The following CCDC187 variants were observed in gnomAD, a reference collection of about 807,000 sequenced individuals.
CCDC187 encodes the protein coiled-coil domain-containing protein 187.
CCDC187 carries 32 observed loss-of-function variants against 38.0 expected under a neutral mutation model. The ratio of observed to expected loss-of-function variants is 0.84; its 90% CI spans 0.64 to 1.13. The LOEUF (loss-of-function observed/expected upper bound fraction) is 1.13, where lower values mean the gene tolerates loss of function less well. Ranked by LOEUF, CCDC187 falls within the 50% of genes most tolerant of loss-of-function variation. CCDC187 has a pLI of 0.00. For missense variants in CCDC187, 707 were observed against 786.8 expected (o/e 0.90, Z 1.21); for synonymous variants, 333 against 347.9 (o/e 0.96, Z 0.48).
At chr9:136,269,050 C>G (rs1830796286) in intron 14 of CCDC187, among the ~76,000 whole-genome samples, 1 of 152,102 alleles carries the variant, frequency 6.6e-6, no homozygotes, top group African/African-American at 2.4e-5. Context: ...ATCAAGTGTC[C>G]CTCTGGAGTA....
Position 136,254,920 on chromosome 9 carries a change from C to G in CCDC187, c.4908G>C (p.Ala1636=). ...CPSLWEFQKA[A]ATLIQLSGSS... Reference sequence around the variant, plus strand: ...TCCCAGAAAGCTGGATCAGGGTAGCCGCTGCTTTCTGGAACTCCCAGAGAG... The same window carrying G: ...TCCCAGAAAGCTGGATCAGGGTAGCGGCTGCTTTCTGGAACTCCCAGAGAG... Residue 1636 remains alanine (A), a synonymous_variant, in exon 26 of 26, where the codon GCG becomes GCC. Coordinates refer to ENST00000638797, the MANE Select transcript of CCDC187 (RefSeq NM_001378188.1). The G allele has an allele frequency of 1.0e-6, 1 of 985,476 alleles. No homozygotes were observed. 61.0% of individuals were successfully genotyped at this position (985,476 alleles called of 1,614,324 possible).
chr9:136,258,309 A>G lies in CCDC187; in HGVS notation c.4366+623T>C, dbSNP rs1178108774. Reference sequence around the variant, plus strand: ...CTGGCCCCAACGGCAGGGACCCCCCAGTCTATGCCACCCCCCTTGGGTGGC... The same window carrying G: ...CTGGCCCCAACGGCAGGGACCCCCCGGTCTATGCCACCCCCCTTGGGTGGC... On this transcript the variant is annotated intron_variant, in intron 22 of 25. Coordinates refer to ENST00000638797, the MANE Select transcript of CCDC187 (RefSeq NM_001378188.1). This position sits in a 1 kb window ranked among gnomAD's most constrained non-coding sequence, Gnocchi z 4.3. Among the ~76,000 whole-genome samples the G allele has an allele frequency of 6.6e-6, 1 of 152,014 alleles. No homozygotes were observed. The highest frequency in any genetic ancestry group is 1.5e-5 in the Non-Finnish European group (1 of 67,978).
At position 136,258,133 on chromosome 9, in the gene CCDC187, G is replaced by C. The variant is rs1830636903; in HGVS notation, c.4366+799C>G. ...ACAGCGCAGGCCCGGAGGTGACGCGGGACACAGAGGGAAAGCGCTCTGTAT... is the reference window on the plus strand; with the variant it reads ...ACAGCGCAGGCCCGGAGGTGACGCGCGACACAGAGGGAAAGCGCTCTGTAT... On this transcript the variant is annotated intron_variant, in intron 22 of 25. Transcript: ENST00000638797. This position sits in a 1 kb window ranked among gnomAD's most constrained non-coding sequence, Gnocchi z 4.3. Among the ~76,000 whole-genome samples the C allele has an allele frequency of 6.6e-6, 1 of 152,140 alleles. No individual in the cohort carries two copies. The highest frequency in any genetic ancestry group is 6.5e-5 in the Admixed American group (1 of 15,286).
intron 7 of CCDC187, among the ~76,000 whole-genome samples, chr9:136,288,028 G>T (rs1251414588): frequency 5.3e-5 from 8 of 152,184 alleles, no homozygotes; most frequent in Admixed American, 4.6e-4. Flanking sequence ...AAAAGGACAA[G>T]GACATGATGA....
intron 18 of CCDC187, 76 bp from the exon 19 acceptor site, chr9:136,262,538 C>T (rs1432375044): frequency 2.0e-5 from 20 of 984,394 alleles, no homozygotes; most frequent in Middle Eastern, 5.1e-4. Flanking sequence ...GGTGGCTTCA[C>T]GTGGCTGTGG....
chr9:136,285,824 G>T (rs930577853), intron 8 of CCDC187: 17 of 396,980 alleles, frequency 4.3e-5, no homozygotes, highest in Non-Finnish European at 7.1e-5. Context: ...CAGAGAACAA[G>T]ACAGGAGCAA....
At chr9:136,289,001 C>T (rs998998322) in intron 7 of CCDC187, among the ~76,000 whole-genome samples, 9 of 152,140 alleles carry the variant, frequency 5.9e-5, no homozygotes, top group Admixed American at 2.0e-4. Flanking sequence ...TTCACGGCAG[C>T]GGCAGGTGGA....
rs546644764 is a variant in CCDC187, at chr9:136,253,933, C to CCCACCAGGCCCAGGCGCCCGGCTCTCAG, written c.5867_5894dup (p.Asn1966Ter). 0.063 allele frequency: 62,214 copies of CCCACCAGGCCCAGGCGCCCGGCTCTCAG among 985,180 alleles called. 2,106 individuals are homozygous for CCCACCAGGCCCAGGCGCCCGGCTCTCAG. Among genetic ancestry groups the CCCACCAGGCCCAGGCGCCCGGCTCTCAG allele is most frequent in the Non-Finnish European group, 0.069 (57,008 of 829,812 alleles). The allele number at this position is 985,180 out of a possible 1,614,324, so 61.0% of individuals were successfully genotyped here. A position where few individuals can be genotyped will look rare whatever the true frequency, so the allele number is the denominator to read the frequency against. ...CCTCCAGGACAGTGGGGGCCCCATT[C>CCCACCAGGCCCAGGCGCCCGGCTCTCAG]CCACCAGGCCCAGGCGCCCGGCTCT... On this transcript the variant is annotated stop_gained and frameshift_variant, in exon 26 of 26. Transcript: ENST00000638797. LOFTEE classifies it low-confidence loss of function (END_TRUNC).
At chr9:136,288,611 G>T (rs1309794778) in intron 7 of CCDC187, among the ~76,000 whole-genome samples, 3 of 152,204 alleles carry the variant, frequency 2.0e-5, no homozygotes, top group Non-Finnish European at 4.4e-5. Flanking sequence ...GCCTTCCACA[G>T]CCCTTCCTGG....
rs183513877 is a variant in CCDC187, at chr9:136,267,469, G to A, written c.3562C>T (p.His1188Tyr). 53 of 985,738 alleles carry A rather than the reference G, an allele frequency of 5.4e-5. No homozygotes were observed. Among genetic ancestry groups the A allele is most frequent in the Middle Eastern group, 5.2e-4 (1 of 1,914 alleles). The allele number at this position is 985,738 out of a possible 1,614,324, so 61.1% of individuals were successfully genotyped here. The change falls in exon 16 of 26, where the codon CAC becomes TAC. Residue 1188 changes from histidine to tyrosine, a missense_variant. His to Tyr is a moderately conservative substitution (Grantham distance 83, BLOSUM62 2). Transcript: ENST00000638797. Reference sequence around the variant, plus strand: ...CGCAGGCGCAGCAGCGCGGCCTGGTGCTGTGCTCGCAGCTCCTCCTCCCGC... The same window carrying A: ...CGCAGGCGCAGCAGCGCGGCCTGGTACTGTGCTCGCAGCTCCTCCTCCCGC... ...SLREEELRAQ[H>Y]QAALLRLREM... is the part of the protein sequence containing the mutation.
intron 18 of CCDC187, among the ~76,000 whole-genome samples, chr9:136,263,229 C>T (rs1554761208): frequency 6.9e-6 from 1 of 145,856 alleles, no homozygotes; most frequent in Admixed American, 7.1e-5. Flanking sequence ...TGCCTGGGGC[C>T]ACAGGCTTTT....
intron 4 of CCDC187, among the ~76,000 whole-genome samples, chr9:136,294,073 C>G (rs1269890261): frequency 6.6e-6 from 1 of 150,582 alleles, no homozygotes; most frequent in South Asian, 2.1e-4. Context: ...CTCACACACT[C>G]ACACGCTCAT....
In CCDC187 at chr9:136,252,341, C is replaced by T. The variant is rs1429250166; in HGVS notation, c.*1253G>A. ...CCAGTCCACCCTGGGAAGGTCCAGG[C>T]GACCATCCCGCACAGCCGGCCGCCC... On this transcript the variant is annotated 3_prime_UTR_variant, in exon 26 of 26. Transcript: ENST00000638797. The T allele has an allele frequency of 4.2e-5, 6 of 144,248 alleles. No homozygotes were observed. The highest frequency in any genetic ancestry group is 8.4e-5 in the South Asian group (1 of 11,842). 8.9% of individuals were successfully genotyped at this position (144,248 alleles called of 1,614,324 possible).
chr9:136,300,654 A>G (rs1221329120), intron 2 of CCDC187, among the ~76,000 whole-genome samples: 137,413 of 151,370 alleles, frequency 0.91, 62,408 homozygotes, highest in East Asian at 0.95. Context: ...CTGGAGTGCC[A>G]TGGTGTGATC....
chr9:136,290,488 C>T lies in CCDC187; in HGVS notation c.2125G>A (p.Gly709Arg), dbSNP rs1487159288. 13 of 398,764 alleles carry T rather than the reference C, an allele frequency of 3.3e-5. No individual in the cohort carries two copies. Among genetic ancestry groups the T allele is most frequent in the African/African-American group, 1.2e-4 (6 of 48,760 alleles). The allele number at this position is 398,764 out of a possible 1,614,324, so 24.7% of individuals were successfully genotyped here. A position where few individuals can be genotyped will look rare whatever the true frequency, so the allele number is the denominator to read the frequency against. ...VTFVPSSAQSGGLEASGSLES... is the reference protein window; with the variant it reads ...VTFVPSSAQSRGLEASGSLES... ...CCCAACCCAACCCCAGCATGTACCC[C>T]GGACTGTGCAGAACTGGGGACAAAG... The change falls in exon 6 of 26, where the codon GGG becomes AGG. Residue 709 changes from glycine (G) to arginine (R), a missense_variant and splice_region_variant. By Grantham distance (125) the Gly-to-Arg change is moderately radical (BLOSUM62 -2). Coordinates refer to ENST00000638797, the MANE Select transcript of CCDC187 (RefSeq NM_001378188.1).
At chr9:136,293,861 C>CAG (rs1831451689) in intron 4 of CCDC187, among the ~76,000 whole-genome samples, 66 of 145,818 alleles carry the variant, frequency 4.5e-4, no homozygotes, top group South Asian at 3.9e-3. Context: ...CACATTCAGT[C>CAG]TCATATGCTC....
At position 136,251,125 on chromosome 9, in the gene CCDC187, A is replaced by G; in HGVS notation, c.*2469T>C. ...GGAGAAGCCACATCCTGGAAGGATC[A>G]GTGCTGGGACACAGATGTCCCTAAG... On this transcript the variant is annotated 3_prime_UTR_variant, in exon 26 of 26. Coordinates refer to ENST00000638797, the MANE Select transcript of CCDC187 (RefSeq NM_001378188.1). 2.3e-6 allele frequency: 1 copy of G among 439,850 alleles called. No individual in the cohort carries two copies. Among genetic ancestry groups the G allele is most frequent in the South Asian group, 1.6e-5 (1 of 64,010 alleles). 27.2% of individuals were successfully genotyped at this position (439,850 alleles called of 1,614,324 possible).
chr9:136,293,335 ACTCACACTCACATGCT>A (rs1831403501), intron 4 of CCDC187, among the ~76,000 whole-genome samples: 7 of 146,896 alleles, frequency 4.8e-5, no homozygotes, highest in Non-Finnish European at 7.5e-5. Context: ...ATGCTTACAC[ACTCACACTCACATGCT>A]CACACACATT....
chr9:136,262,330 C>A lies in CCDC187; in HGVS notation c.4045G>T (p.Ala1349Ser). ...ACTCACCGCGTGGCCTTTGAGCTTG[C>A]GGGGCTGCTCTGGGGGCGATGGCTG... ...STSHRPQSSP[A>S]SSKATRPPTE... Residue 1349 changes from alanine to serine, a missense_variant, in exon 19 of 26, where the codon GCA becomes TCA. Ala to Ser is a moderately conservative substitution (Grantham distance 99). Transcript: ENST00000638797. 1 of 986,644 alleles carries A rather than the reference C, an allele frequency of 1.0e-6. No individual in the cohort carries two copies. The highest frequency in any genetic ancestry group is 1.2e-6 in the Non-Finnish European group (1 of 830,896). 61.1% of individuals were successfully genotyped at this position (986,644 alleles called of 1,614,324 possible).
Sources: gnomAD v4.1 joint callset for allele counts (sites outside exome capture counted in the v4.1 genomes callset) on GRCh38, gnomAD v4.1.1 for gene constraint, Gnocchi (gnomAD v3.1) non-coding constraint, MANE v1.5 for transcripts, NCBI Gene and HGNC (gene_info 2026-07-23, HGNC 2026-07-21) for gene names.